The following GLI3 variants were observed in gnomAD, a reference collection of about 807,000 sequenced individuals.
GLI3 encodes the protein transcription activator GLI3.
GLI3 carries 20 observed loss-of-function variants against 100.8 expected under a neutral mutation model. The ratio of observed to expected loss-of-function variants is 0.20; its 90% CI spans 0.14 to 0.29. GLI3 has a LOEUF of 0.29. GLI3 is among the 10% of genes least tolerant of loss of function. The probability of loss-of-function intolerance (pLI) is 1.00; values close to 1 mark genes in which losing one functional copy is unlikely to be tolerated. For missense variants in GLI3, 2,040 were observed against 2,128.5 expected (o/e 0.96, Z 0.82); for synonymous variants, 938 against 860.5 (o/e 1.09, Z -1.58).
At chr7:42,073,436 G>C (rs1784821446) in intron 4 of GLI3, among the ~76,000 whole-genome samples, 1 of 152,148 alleles carries the variant, frequency 6.6e-6, no homozygotes, top group South Asian at 2.1e-4. Flanking sequence ...GAAAAACAAA[G>C]GCAGGTTAAT....
At chr7:42,149,873 T>C (rs1422616498) in intron 2 of GLI3, 3 of 152,200 alleles carry the variant, frequency 2.0e-5, no homozygotes, top group African/African-American at 7.2e-5. Flanking sequence ...AAAGTAGAAC[T>C]GTAAACACAG....
chr7:42,030,709 TTG>T (rs1789264768), intron 7 of GLI3, among the ~76,000 whole-genome samples: 1 of 151,468 alleles, frequency 6.6e-6, no homozygotes, highest in African/African-American at 2.4e-5. Context: ...TTTTTTTTTT[TTG>T]TTTTTTTGTT....
chr7:41,991,124 T>C (rs772408508), intron 10 of GLI3, among the ~76,000 whole-genome samples: 6 of 152,196 alleles, frequency 3.9e-5, no homozygotes, highest in South Asian at 4.1e-4. Context: ...GACATGTCCA[T>C]TGGATCTTAT....
chr7:41,981,924 G>C (rs1292525238), intron 10 of GLI3, among the ~76,000 whole-genome samples: 1 of 152,104 alleles, frequency 6.6e-6, no homozygotes, highest in Non-Finnish European at 1.5e-5. Flanking sequence ...ACAATGTGTG[G>C]AAATTTGAGT....
At chr7:42,184,351 C>A (rs1339403453) in intron 2 of GLI3, among the ~76,000 whole-genome samples, 2 of 152,232 alleles carry the variant, frequency 1.3e-5, no homozygotes, top group Non-Finnish European at 2.9e-5. Context: ...GTGGCTGCAC[C>A]TTCAGGTGTC....
chr7:41,990,228 T>C (rs1188677817), intron 10 of GLI3, among the ~76,000 whole-genome samples: 1 of 152,086 alleles, frequency 6.6e-6, no homozygotes, highest in Non-Finnish European at 1.5e-5. Flanking sequence ...AAAGTTTTCC[T>C]GTTGGAAAAT....
rs184921603 is a variant in GLI3, at chr7:42,197,851, A to C, written c.124+25279T>G. 3.8e-4 allele frequency among the ~76,000 whole-genome samples: 58 copies of C among 152,300 alleles called. 1 individual carries two copies. The highest frequency in any genetic ancestry group is 8.8e-5 in the Non-Finnish European group (6 of 68,032). The stretch of plus-strand genomic sequence containing the variant: ...CACGTTAACGCAAGGCTCTCGCTCT[A>C]CATAACCTTCAGGAAGCCCACGTTG... On this transcript the variant is annotated intron_variant, in intron 2 of 14. Coordinates refer to ENST00000395925, the MANE Select transcript of GLI3 (RefSeq NM_000168.6).
At chr7:42,116,607 G>C (rs1472871839) in intron 3 of GLI3, among the ~76,000 whole-genome samples, 5 of 151,746 alleles carry the variant, frequency 3.3e-5, no homozygotes, top group Non-Finnish European at 7.4e-5. Flanking sequence ...CTTAAAAATT[G>C]CCAGACAGAC....
Sources: allele counts gnomAD v4.1 joint callset (sites outside exome capture counted in the v4.1 genomes callset), GRCh38; gene constraint gnomAD v4.1.1; transcripts MANE v1.5; gene names NCBI Gene and HGNC (gene_info 2026-07-23, HGNC 2026-07-21).